Variants in RAB11FIP4 observed in about 807,000 individuals in gnomAD.
RAB11FIP4 encodes the protein rab11 family-interacting protein 4.
In RAB11FIP4, 23 loss-of-function variants were observed where a neutral mutation model predicts 74.3. That is an observed-to-expected ratio of 0.31 (90% CI 0.22 to 0.44). The LOEUF (loss-of-function observed/expected upper bound fraction) is 0.44. Ranked by LOEUF, RAB11FIP4 falls within the 20% of genes least tolerant of loss-of-function variation. The pLI is 1.00. For missense variants in RAB11FIP4, 630 were observed against 863.9 expected (o/e 0.73, Z 3.39); for synonymous variants, 360 against 359.9 (o/e 1.00, Z 0.00).
intron 3 of RAB11FIP4, among the ~76,000 whole-genome samples, chr17:31,472,360 GCC>G (rs2071746176): frequency 6.6e-6 from 1 of 152,288 alleles, no homozygotes; most frequent in Non-Finnish European, 1.5e-5. Flanking sequence ...GTCGGGGCCA[GCC>G]GCAGGGAGCT....
chr17:31,483,433 C>T (rs1267325138), intron 3 of RAB11FIP4, among the ~76,000 whole-genome samples: 1 of 152,152 alleles, frequency 6.6e-6, no homozygotes, highest in African/African-American at 2.4e-5. Context: ...ACCTCTGGGG[C>T]TCATTCCCCT....
chr17:31,445,548 A>G (rs1408879029), intron 3 of RAB11FIP4, among the ~76,000 whole-genome samples: 1 of 9,308 alleles, frequency 1.1e-4, no homozygotes, highest in South Asian at 5.2e-3. Context: ...ATATATATAT[A>G]TATATATATA....
chr17:31,514,972 G>C (rs548257795), intron 3 of RAB11FIP4, among the ~76,000 whole-genome samples: 1 of 152,356 alleles, frequency 6.6e-6, no homozygotes, highest in Non-Finnish European at 1.5e-5. Context: ...AATCAAGTGT[G>C]TGGATGCAAA....
At chr17:31,479,402 G>A (rs543063763) in intron 3 of RAB11FIP4, among the ~76,000 whole-genome samples, 1 of 152,282 alleles carries the variant, frequency 6.6e-6, no homozygotes, top group South Asian at 2.1e-4. Context: ...GCTTTCCATT[G>A]TCTGTGGGTG....
intron 3 of RAB11FIP4, among the ~76,000 whole-genome samples, chr17:31,474,765 C>T (rs1242208783): frequency 2.6e-5 from 4 of 151,832 alleles, no homozygotes; most frequent in African/African-American, 9.7e-5. Flanking sequence ...TAGCTTGAAC[C>T]CGGGAGGTGG....
chr17:31,525,095 A>T lies in RAB11FIP4; in HGVS notation c.1139A>T (p.His380Leu). The change falls in exon 10 of 15, where the codon CAT becomes CTT. Residue 380 changes from histidine to leucine, a missense_variant. Transcript: ENST00000621161. ...QENTQLVHRV[H>L]ELEEMVKDQE... ...GCCCATTGCGCTGTCCTCAGGGTGC[A>T]TGAGCTGGAGGAGATGGTGAAGGAT... 1 of 1,550,498 alleles carries T rather than the reference A, an allele frequency of 6.4e-7. No individual in the cohort carries two copies. Among genetic ancestry groups the T allele is most frequent in the Non-Finnish European group, 8.7e-7 (1 of 1,147,114 alleles).
At chr17:31,515,128 T>C (rs1567686664) in intron 3 of RAB11FIP4, among the ~76,000 whole-genome samples, 2 of 151,932 alleles carry the variant, frequency 1.3e-5, no homozygotes, top group African/African-American at 4.8e-5. Flanking sequence ...GAAGCACAGG[T>C]GGGATAATAT....
At chr17:31,475,039 A>G (rs1295324038) in intron 3 of RAB11FIP4, among the ~76,000 whole-genome samples, 1 of 152,118 alleles carries the variant, frequency 6.6e-6, no homozygotes, top group Non-Finnish European at 1.5e-5. Context: ...TGGTGAGGAG[A>G]GGAACTCATA....
chr17:31,503,211 T>G (rs1313878692), intron 3 of RAB11FIP4, among the ~76,000 whole-genome samples: 2 of 150,456 alleles, frequency 1.3e-5, no homozygotes, highest in African/African-American at 5.0e-5. Flanking sequence ...TTTTGTATTT[T>G]TAGTAGAGAC....
chr17:31,499,242 C>A (rs1483243336), intron 3 of RAB11FIP4, among the ~76,000 whole-genome samples: 1 of 152,138 alleles, frequency 6.6e-6, no homozygotes, highest in Non-Finnish European at 1.5e-5. Flanking sequence ...TGCATGGCCC[C>A]AACTTTTTGT....
In RAB11FIP4 at chr17:31,456,757, T is replaced by G. The variant is rs1027118442; in HGVS notation, c.336+22635T>G. 1.6e-4 allele frequency among the ~76,000 whole-genome samples: 25 copies of G among 152,218 alleles called. 1 individual carries two copies. Among genetic ancestry groups the G allele is most frequent in the Admixed American group, 1.5e-3 (23 of 15,276 alleles). Reference sequence around the variant, plus strand: ...TACTACTCTAGCTATGAATGTGTCTTTTATTGTAAATAATTTCATAGCTGT... The same window carrying G: ...TACTACTCTAGCTATGAATGTGTCTGTTATTGTAAATAATTTCATAGCTGT... On this transcript the variant is annotated intron_variant, in intron 3 of 14. Coordinates refer to ENST00000621161, the MANE Select transcript of RAB11FIP4 (RefSeq NM_032932.6).
intron 3 of RAB11FIP4, among the ~76,000 whole-genome samples, chr17:31,474,764 C>T (rs903550684): frequency 7.9e-5 from 12 of 151,838 alleles, no homozygotes; most frequent in Non-Finnish European, 1.5e-4. Context: ...ATAGCTTGAA[C>T]CCGGGAGGTG....
In RAB11FIP4 at chr17:31,524,866, C is replaced by T. The variant is rs541127835; in HGVS notation, c.1134-224C>T. ...TCCCTCCCTGTGCTGCCCTGAGCGC[C>T]CCACCTTCTGACTGCCAGGCCTGCC... On this transcript the variant is annotated intron_variant, in intron 9 of 14. Coordinates refer to ENST00000621161, the MANE Select transcript of RAB11FIP4 (RefSeq NM_032932.6). The T allele has an allele frequency of 2.1e-5, 13 of 618,540 alleles. No homozygotes were observed. In the South Asian group the frequency reaches 2.5e-4, roughly 12 times the overall value. The allele number at this position is 618,540 out of a possible 1,614,324, so 38.3% of individuals were successfully genotyped here. A position where few individuals can be genotyped will look rare whatever the true frequency, so the allele number is the denominator to read the frequency against.
chr17:31,472,327 G>T (rs1255005764), intron 3 of RAB11FIP4, among the ~76,000 whole-genome samples: 1 of 152,198 alleles, frequency 6.6e-6, no homozygotes, highest in East Asian at 1.9e-4. Flanking sequence ...CCTGGGGAGA[G>T]AGTGGCTGGT....
At chr17:31,464,810 G>A (rs1351811484) in intron 3 of RAB11FIP4, among the ~76,000 whole-genome samples, 1 of 137,114 alleles carries the variant, frequency 7.3e-6, no homozygotes, top group Non-Finnish European at 1.5e-5. Context: ...ACCCAGGCTG[G>A]AGTGCAGTGG....
chr17:31,487,925 G>A (rs1333206594), intron 3 of RAB11FIP4: 1 of 550,434 alleles, frequency 1.8e-6, no homozygotes, highest in East Asian at 1.4e-4. Context: ...GCCCCGCCCC[G>A]CGGCTCGGGT....
At chr17:31,477,925 G>C (rs886267968) in intron 3 of RAB11FIP4, among the ~76,000 whole-genome samples, 2 of 151,846 alleles carry the variant, frequency 1.3e-5, no homozygotes, top group Non-Finnish European at 1.5e-5. Context: ...GATTAAATGA[G>C]CTCATATCAT....
chr17:31,412,291 G>A (rs757655444), intron 1 of RAB11FIP4, among the ~76,000 whole-genome samples: 2 of 152,214 alleles, frequency 1.3e-5, no homozygotes, highest in Non-Finnish European at 2.9e-5. Flanking sequence ...CCCCAGAGCA[G>A]GGGTCCCACC....
At position 31,517,755 on chromosome 17, in the gene RAB11FIP4, T is replaced by C. The variant is rs1357729925; in HGVS notation, c.441T>C (p.Pro147=). ...DEEEAMTLAP[P]EGPQELYTDS... ...AGGAGGCTATGACGCTGGCGCCACC[T>C]GAGGGCCCCCAGGAGTTGTACACAG... Residue 147 remains proline, a synonymous_variant, in exon 4 of 15, where the codon CCT becomes CCC. Coordinates refer to ENST00000621161, the MANE Select transcript of RAB11FIP4 (RefSeq NM_032932.6). The C allele has an allele frequency of 6.3e-7, 1 of 1,579,568 alleles. No individual in the cohort carries two copies. The highest frequency in any genetic ancestry group is 1.3e-5 in the African/African-American group (1 of 74,596).
Sources: gnomAD v4.1 joint callset for allele counts (sites outside exome capture counted in the v4.1 genomes callset) on GRCh38, gnomAD v4.1.1 for gene constraint, MANE v1.5 for transcripts, NCBI Gene and HGNC (gene_info 2026-07-23, HGNC 2026-07-21) for gene names.